Variants in DCC observed in about 807,000 individuals in gnomAD.
DCC encodes the protein DCC netrin 1 receptor.
In DCC, 58 loss-of-function variants were observed where a neutral mutation model predicts 172.5. The observed-to-expected ratio is 0.34, with a 90% CI of 0.27 to 0.42. The LOEUF is 0.42. Among genes scored for constraint, DCC ranks in the 10% least tolerant of loss-of-function variants. The pLI is 1.00. For synonymous variants in DCC, 709 were observed against 644.5 expected, an observed-to-expected ratio of 1.10 and a Z score of -1.52; for missense variants, 1,740 against 1,791.0, an observed-to-expected ratio of 0.97 and a Z score of 0.51.
chr18:52,756,724 C>T (rs1375781570), intron 2 of DCC, among the ~76,000 whole-genome samples: 1 of 149,922 alleles, frequency 6.7e-6, no homozygotes, highest in Non-Finnish European at 1.5e-5. Flanking sequence ...ACGTTGCCAG[C>T]TATCTGAGCC....
At chr18:52,609,005 C>T (rs377384190) in intron 1 of DCC, among the ~76,000 whole-genome samples, 1 of 152,138 alleles carries the variant, frequency 6.6e-6, no homozygotes, top group East Asian at 1.9e-4. Flanking sequence ...AGCAAGCATC[C>T]AACTCAGACT....
chr18:52,598,161 A>T (rs904224256), intron 1 of DCC, among the ~76,000 whole-genome samples: 3 of 152,214 alleles, frequency 2.0e-5, no homozygotes, highest in African/African-American at 7.2e-5. Flanking sequence ...TATATCTGTA[A>T]ATTTGGAATA....
At chr18:53,364,986 C>T (rs1366601024) in intron 15 of DCC, among the ~76,000 whole-genome samples, 2 of 147,696 alleles carry the variant, frequency 1.4e-5, no homozygotes, top group Non-Finnish European at 3.0e-5. Flanking sequence ...TCTCTGAATT[C>T]TATCTTTAAG....
intron 12 of DCC, among the ~76,000 whole-genome samples, chr18:53,227,482 C>T (rs1371472140): frequency 1.3e-5 from 2 of 152,138 alleles, no homozygotes; most frequent in African/African-American, 4.8e-5. Context: ...AAACATTACC[C>T]AGTCTACTGG....
At chr18:53,304,304 G>C (rs2057174588) in intron 12 of DCC, among the ~76,000 whole-genome samples, 1 of 152,052 alleles carries the variant, frequency 6.6e-6, no homozygotes, top group African/African-American at 2.4e-5. Flanking sequence ...GTATTTCCCT[G>C]TCTCCTGTCC....
At chr18:52,402,444 C>T (rs899036361) in intron 1 of DCC, among the ~76,000 whole-genome samples, 1 of 151,934 alleles carries the variant, frequency 6.6e-6, no homozygotes, top group Non-Finnish European at 1.5e-5. Context: ...TCTTCATCTT[C>T]CTTTCTATTT....
intron 2 of DCC, among the ~76,000 whole-genome samples, chr18:52,804,360 A>G (rs1441080346): frequency 6.6e-6 from 1 of 152,226 alleles, no homozygotes; most frequent in Non-Finnish European, 1.5e-5. Context: ...CATGATTTAA[A>G]GCCAGGCCAC....
intron 1 of DCC, among the ~76,000 whole-genome samples, chr18:52,362,523 G>C (rs1047471979): frequency 6.6e-6 from 1 of 152,186 alleles, no homozygotes; most frequent in East Asian, 1.9e-4. Context: ...GAAGATAAGG[G>C]AGGGTTATAA....
chr18:53,000,993 G>A (rs1423687473), intron 5 of DCC, among the ~76,000 whole-genome samples: 1 of 151,824 alleles, frequency 6.6e-6, no homozygotes, highest in Non-Finnish European at 1.5e-5. Context: ...GTGTTACTGT[G>A]CATCTCTTCC....
At chr18:53,486,222 G>T (rs1485509460) in intron 25 of DCC, among the ~76,000 whole-genome samples, 2 of 152,080 alleles carry the variant, frequency 1.3e-5, no homozygotes. Flanking sequence ...AAAACATTCA[G>T]TTACACTTAA....
chr18:52,906,007 T>C, intron 2 of DCC, 37 bp from the exon 3 acceptor site: 1 of 1,369,298 alleles, frequency 7.3e-7, no homozygotes, highest in East Asian at 2.3e-5. Context: ...GTGCTTTATT[T>C]GGAAGACTTA....
intron 6 of DCC, among the ~76,000 whole-genome samples, chr18:53,064,047 G>A (rs1252861677): frequency 1.3e-5 from 2 of 152,108 alleles, no homozygotes; most frequent in African/African-American, 4.8e-5. Flanking sequence ...AGTACACATT[G>A]CTTTGTAATT....
At chr18:53,218,013 T>A (rs1487210446) in intron 12 of DCC, among the ~76,000 whole-genome samples, 1 of 151,940 alleles carries the variant, frequency 6.6e-6, no homozygotes. Context: ...GACTGACTAA[T>A]TTATTTTTGT....
chr18:52,398,084 C>A (rs961036053), intron 1 of DCC, among the ~76,000 whole-genome samples: 1 of 136,652 alleles, frequency 7.3e-6, no homozygotes, highest in Non-Finnish European at 1.7e-5. Flanking sequence ...AACTCTTTAA[C>A]TTAGGGATAC....
intron 1 of DCC, among the ~76,000 whole-genome samples, chr18:52,544,514 A>G (rs1232849409): frequency 6.6e-6 from 1 of 151,566 alleles, no homozygotes; most frequent in African/African-American, 2.4e-5. Flanking sequence ...GCTGTGATCA[A>G]TGCTGATGAT....
At chr18:52,653,277 G>A (rs906827178) in intron 1 of DCC, among the ~76,000 whole-genome samples, 6 of 152,202 alleles carry the variant, frequency 3.9e-5, no homozygotes, top group African/African-American at 1.4e-4. Context: ...AAAGGAGTAA[G>A]AGTCTGAGTT....
chr18:52,399,342 G>C (rs992914460), intron 1 of DCC, among the ~76,000 whole-genome samples: 27 of 152,032 alleles, frequency 1.8e-4, no homozygotes, highest in Admixed American at 1.4e-3. Context: ...TCAAGGCACT[G>C]TTTAATTTTC....
At chr18:53,226,750 A>C (rs2056034756) in intron 12 of DCC, among the ~76,000 whole-genome samples, 1 of 151,820 alleles carries the variant, frequency 6.6e-6, no homozygotes, top group Non-Finnish European at 1.5e-5. Context: ...ATTTAGCAAC[A>C]GAGTTCTGCA....
At chr18:52,810,090 T>A (rs73956970) in intron 2 of DCC, among the ~76,000 whole-genome samples, 9,173 of 148,030 alleles carry the variant, frequency 0.062, 885 homozygotes, top group African/African-American at 0.23. Context: ...AAAAAAAAAA[T>A]ATATTCTCAA....
Sources: gnomAD v4.1 joint callset for allele counts (sites outside exome capture counted in the v4.1 genomes callset) on GRCh38, gnomAD v4.1.1 for gene constraint, MANE v1.5 for transcripts, NCBI Gene and HGNC (gene_info 2026-07-23, HGNC 2026-07-21) for gene names.